The following ZFHX3 variants were observed in gnomAD, a reference collection of about 807,000 sequenced individuals.
The protein encoded by ZFHX3 is zinc finger homeobox 3, also known as zinc finger homeobox protein 3.
A neutral mutation model predicts 279.1 loss-of-function variants in ZFHX3; 42 were observed. The ratio of observed to expected loss-of-function variants is 0.15; its 90% CI spans 0.12 to 0.19. The LOEUF is 0.19. ZFHX3 is among the 10% of genes least tolerant of loss of function. The pLI, the probability that ZFHX3 is intolerant of heterozygous loss-of-function variation, is 1.00. For missense variants in ZFHX3, 4,981 were observed against 4,754.0 expected (o/e 1.05, Z -1.40); for synonymous variants, 2,293 against 1,957.8 (o/e 1.17, Z -4.52).
intron 2 of ZFHX3, among the ~76,000 whole-genome samples, chr16:73,523,905 A>T (rs1394643802): frequency 6.6e-6 from 1 of 152,238 alleles, no homozygotes; most frequent in Non-Finnish European, 1.5e-5. Context: ...GGGATGGTCA[A>T]CTGATTTTGA....
chr16:73,695,199 C>G (rs80284924), intron 1 of ZFHX3, among the ~76,000 whole-genome samples: 2,027 of 151,252 alleles, frequency 0.013, 53 homozygotes, highest in African/African-American at 0.047. Context: ...TTTTTCTTTG[C>G]TTAAAAATTG....
chr16:73,606,811 T>C (rs371430237), intron 2 of ZFHX3, among the ~76,000 whole-genome samples: 4 of 152,122 alleles, frequency 2.6e-5, no homozygotes, highest in African/African-American at 7.2e-5. Flanking sequence ...CAGTTCCCAC[T>C]TATAAGTGAG....
intron 2 of ZFHX3, among the ~76,000 whole-genome samples, chr16:73,471,423 T>C (rs1477239178): frequency 6.6e-6 from 1 of 152,120 alleles, no homozygotes. Flanking sequence ...TTCTTTTTTT[T>C]TTTAGACAGA....
At chr16:73,341,105 G>A (rs2016024267) in intron 3 of ZFHX3, among the ~76,000 whole-genome samples, 1 of 152,176 alleles carries the variant, frequency 6.6e-6, no homozygotes, top group Non-Finnish European at 1.5e-5. Flanking sequence ...CACTTTGGGA[G>A]GCCGAGGTGG....
At chr16:73,168,437 G>T (rs1967444621) in intron 5 of ZFHX3, among the ~76,000 whole-genome samples, 3 of 151,908 alleles carry the variant, frequency 2.0e-5, no homozygotes, top group Non-Finnish European at 4.4e-5. Flanking sequence ...TTGTTTTGTT[G>T]TAGAAATGCA....
upstream of ZFHX3, among the ~76,000 whole-genome samples, chr16:73,064,508 C>CT (rs959939722): frequency 2.1e-3 from 309 of 144,914 alleles, no homozygotes; most frequent in South Asian, 4.8e-3. Context: ...GGGAACAAGC[C>CT]TTTTTTTTTT....
At chr16:73,883,038 A>AG (rs1205022520) in intron 1 of ZFHX3, among the ~76,000 whole-genome samples, 1 of 151,984 alleles carries the variant, frequency 6.6e-6, no homozygotes, top group African/African-American at 2.4e-5. Flanking sequence ...TTTAAAAAAA[A>AG]AAATAGTCTT....
intron 2 of ZFHX3, among the ~76,000 whole-genome samples, chr16:72,954,743 A>G (rs555738486): frequency 6.6e-6 from 1 of 152,322 alleles, no homozygotes; most frequent in East Asian, 1.9e-4. Context: ...TGCTGTCTAC[A>G]AAGAGCAGCA....
intron 4 of ZFHX3, among the ~76,000 whole-genome samples, chr16:73,278,774 G>C (rs1383715850): frequency 1.3e-5 from 2 of 152,184 alleles, no homozygotes; most frequent in African/African-American, 2.4e-5. Context: ...GTTTTACAGA[G>C]TGCTGATTGG....
chr16:73,565,712 T>G (rs978319364), intron 2 of ZFHX3, among the ~76,000 whole-genome samples: 4 of 152,154 alleles, frequency 2.6e-5, no homozygotes, highest in African/African-American at 7.2e-5. Context: ...TTTAGTGCCT[T>G]TTTTTACTCT....
intron 5 of ZFHX3, among the ~76,000 whole-genome samples, chr16:73,168,279 C>CTTTCTTTCTTTCTTTCTTTCTTTCTT (rs1555502322): frequency 7.0e-6 from 1 of 143,646 alleles, no homozygotes; most frequent in Non-Finnish European, 1.5e-5. Flanking sequence ...TTCTTTCTTT[C>CTTTCTTTCTTTCTTTCTTTCTTTCTT]GAGACAAAGT....
chr16:73,241,185 T>C (rs944388395), intron 5 of ZFHX3, among the ~76,000 whole-genome samples: 26 of 152,204 alleles, frequency 1.7e-4, no homozygotes, highest in East Asian at 1.9e-4. Flanking sequence ...CCTGTGCCCA[T>C]ATACAGAGGA....
At chr16:72,999,718 G>T (rs1283774834) in intron 1 of ZFHX3, among the ~76,000 whole-genome samples, 1 of 151,842 alleles carries the variant, frequency 6.6e-6, no homozygotes, top group Non-Finnish European at 1.5e-5. Flanking sequence ...TGCCAGCGTG[G>T]GCAGGGGTCT....
intron 3 of ZFHX3, among the ~76,000 whole-genome samples, chr16:73,408,364 G>A (rs1416291566): frequency 6.6e-6 from 1 of 152,160 alleles, no homozygotes; most frequent in African/African-American, 2.4e-5. Context: ...AAGGTCGTGA[G>A]GTCTCAAGCC....
Position 73,682,639 on chromosome 16 carries a change from G to T in ZFHX3, c.-1607-2399C>A, listed in dbSNP as rs1047105431. 3.3e-5 allele frequency among the ~76,000 whole-genome samples: 5 copies of T among 151,358 alleles called. No homozygotes were observed. In the East Asian group the frequency reaches 9.7e-4, roughly 29 times the overall value. On this transcript the variant is annotated intron_variant, in intron 1 of 17. Coordinates refer to the ZFHX3 transcript ENST00000641206. ...CGTCTCTACTAAAAATACAAAAAATGAGCCGGTCATGGTGGCATGCACCTG... is the reference window on the plus strand; with the variant it reads ...CGTCTCTACTAAAAATACAAAAAATTAGCCGGTCATGGTGGCATGCACCTG...
chr16:73,530,036 T>C (rs1198670819), intron 2 of ZFHX3, among the ~76,000 whole-genome samples: 1 of 152,174 alleles, frequency 6.6e-6, no homozygotes, highest in Non-Finnish European at 1.5e-5. Flanking sequence ...TTCACGCTGC[T>C]GATAGAGACA....
chr16:73,043,717 C>T (rs547986323), intron 1 of ZFHX3, among the ~76,000 whole-genome samples: 2 of 152,182 alleles, frequency 1.3e-5, no homozygotes, highest in African/African-American at 2.4e-5. Context: ...TGCTGTCAAT[C>T]GGCACTAAGC....
intron 2 of ZFHX3, among the ~76,000 whole-genome samples, chr16:73,591,484 G>T (rs1298396163): frequency 1.3e-5 from 2 of 151,744 alleles, no homozygotes; most frequent in East Asian, 3.9e-4. Flanking sequence ...ACGAAGTCAG[G>T]AGATCGATAT....
intron 1 of ZFHX3, among the ~76,000 whole-genome samples, chr16:73,009,174 T>C (rs146749337): frequency 5.8e-4 from 89 of 152,188 alleles, no homozygotes; most frequent in African/African-American, 2.1e-3. Flanking sequence ...CATCATACCG[T>C]ATCAACTCCC....
Sources: gnomAD v4.1 joint callset for allele counts (sites outside exome capture counted in the v4.1 genomes callset) on GRCh38, gnomAD v4.1.1 for gene constraint, MANE v1.5 for transcripts, NCBI Gene and HGNC (gene_info 2026-07-23, HGNC 2026-07-21) for gene names.